ODAD2: variants seen among roughly 807,000 people sequenced by gnomAD.
ODAD2 encodes outer dynein arm-docking complex subunit 2.
In ODAD2, 89 loss-of-function variants were observed where a neutral mutation model predicts 106.8. The observed-to-expected ratio is 0.83, with a 90% CI of 0.70 to 0.99. ODAD2 has a LOEUF of 0.99. Among genes scored for constraint, ODAD2 ranks in the 50% least tolerant of loss-of-function variants. ODAD2 has a pLI of 0.00. For missense variants in ODAD2, 1,168 were observed against 1,238.5 expected (o/e 0.94, Z 0.85); for synonymous variants, 404 against 436.2 (o/e 0.93, Z 0.92).
intron 8 of ODAD2, 71 bp from the exon 9 acceptor site, chr10:27,969,089 T>C (rs2132952540): frequency 1.7e-6 from 1 of 597,712 alleles, no homozygotes; most frequent in Non-Finnish European, 3.0e-6. Flanking sequence ...AAGATGGCAA[T>C]GTAGATATAT....
intron 19 of ODAD2, among the ~76,000 whole-genome samples, chr10:27,815,941 T>A (rs1239689457): frequency 6.6e-6 from 1 of 152,208 alleles, no homozygotes; most frequent in East Asian, 1.9e-4. Context: ...AATGAAATTT[T>A]TTATTTTTTC....
chr10:27,992,482 A>C (rs1850289708), intron 2 of ODAD2, among the ~76,000 whole-genome samples: 1 of 152,164 alleles, frequency 6.6e-6, no homozygotes, highest in African/African-American at 2.4e-5. Flanking sequence ...TGAGGCCAAA[A>C]GTACAAGACC....
intron 9 of ODAD2, among the ~76,000 whole-genome samples, chr10:27,968,128 A>G (rs1344716314): frequency 1.2e-4 from 18 of 152,020 alleles, no homozygotes; most frequent in Admixed American, 3.3e-4. Context: ...CTTGAAACAA[A>G]TGAAAAAAAT....
At chr10:27,827,649 A>G (rs1837174118) in intron 19 of ODAD2, among the ~76,000 whole-genome samples, 1 of 151,978 alleles carries the variant, frequency 6.6e-6, no homozygotes, top group African/African-American at 2.4e-5. Flanking sequence ...CTTCATCTCC[A>G]GGGATATCAT....
At chr10:27,887,082 T>TA in intron 17 of ODAD2, among the ~76,000 whole-genome samples, 1 of 152,088 alleles carries the variant, frequency 6.6e-6, no homozygotes, top group East Asian at 1.9e-4. Context: ...AAATGGATTT[T>TA]AAAAAAACAA....
intron 16 of ODAD2, among the ~76,000 whole-genome samples, chr10:27,924,614 GAAAAAAAA>G (rs60226782): frequency 1.3e-3 from 17 of 12,648 alleles, no homozygotes; most frequent in African/African-American, 2.6e-3. Flanking sequence ...TGATTAGGAG[GAAAAAAAA>G]AAAAAAAAAA....
At chr10:27,954,538 C>T (rs1443767968) in intron 10 of ODAD2, among the ~76,000 whole-genome samples, 1 of 151,996 alleles carries the variant, frequency 6.6e-6, no homozygotes, top group East Asian at 1.9e-4. Flanking sequence ...TGAGTTGAAG[C>T]TTAAGGGAAC....
chr10:27,944,564 A>T, intron 11 of ODAD2, 133 bp from the exon 12 acceptor site: 1 of 850,424 alleles, frequency 1.2e-6, no homozygotes, highest in Non-Finnish European at 1.8e-6. Context: ...GGTTACACAC[A>T]TCTGGCATAT....
intron 17 of ODAD2, among the ~76,000 whole-genome samples, chr10:27,879,189 T>C (rs1841547815): frequency 6.6e-6 from 1 of 152,146 alleles, no homozygotes; most frequent in Admixed American, 6.5e-5. Context: ...TACCATGCCC[T>C]GGGTTGATTC....
At chr10:27,983,630 T>C (rs1246594770) in intron 6 of ODAD2, among the ~76,000 whole-genome samples, 1 of 152,220 alleles carries the variant, frequency 6.6e-6, no homozygotes, top group Non-Finnish European at 1.5e-5. Context: ...GCCCATTTCT[T>C]ATCAGATTGG....
At chr10:27,980,850 G>C (rs1421217283) in intron 7 of ODAD2, among the ~76,000 whole-genome samples, 1 of 152,080 alleles carries the variant, frequency 6.6e-6, no homozygotes, top group Non-Finnish European at 1.5e-5. Context: ...ATTGAAAATA[G>C]GAACTCAACA....
chr10:27,993,374 G>C (rs1850346355), intron 2 of ODAD2, among the ~76,000 whole-genome samples: 1 of 152,150 alleles, frequency 6.6e-6, no homozygotes, highest in South Asian at 2.1e-4. Flanking sequence ...TTCAGGCCGG[G>C]CGTGGTGGTT....
At chr10:27,904,114 A>G (rs1240892744) in intron 17 of ODAD2, 1 of 159,880 alleles carries the variant, frequency 6.3e-6, no homozygotes, top group East Asian at 1.8e-4. Flanking sequence ...CCTCATACAG[A>G]ATGACCCACA....
At chr10:27,944,146 G>A in intron 12 of ODAD2, 76 bp downstream of exon 12, 2 of 1,304,256 alleles carry the variant, frequency 1.5e-6, no homozygotes, top group African/African-American at 1.5e-5. Flanking sequence ...TTCCAGCGTG[G>A]CCAGAAAGGA....
intron 19 of ODAD2, among the ~76,000 whole-genome samples, chr10:27,823,593 C>T (rs1291428420): frequency 2.6e-5 from 4 of 152,138 alleles, no homozygotes; most frequent in Non-Finnish European, 5.9e-5. Context: ...AGTGCTCATG[C>T]TATGTGCCCC....
At chr10:27,847,437 G>A (rs571243256) in intron 19 of ODAD2, among the ~76,000 whole-genome samples, 4 of 152,230 alleles carry the variant, frequency 2.6e-5, no homozygotes, top group Non-Finnish European at 5.9e-5. Context: ...AATAATAAGA[G>A]CTATTTATGA....
intron 17 of ODAD2, among the ~76,000 whole-genome samples, chr10:27,906,453 C>T (rs942006970): frequency 4.6e-5 from 7 of 152,254 alleles, no homozygotes; most frequent in South Asian, 2.1e-4. Context: ...GACAGTGTGG[C>T]GGTTCCTCAA....
chr10:27,986,742 A>G (rs1849895420), intron 3 of ODAD2, among the ~76,000 whole-genome samples: 2 of 152,226 alleles, frequency 1.3e-5, no homozygotes, highest in South Asian at 4.1e-4. Flanking sequence ...TTACCACACA[A>G]TTATAGCAGG....
chr10:27,893,745 C>T (rs1842702413), intron 17 of ODAD2, among the ~76,000 whole-genome samples: 1 of 152,196 alleles, frequency 6.6e-6, no homozygotes, highest in African/African-American at 2.4e-5. Context: ...AAAGAAAGGG[C>T]TATACTATTT....
Sources: allele counts gnomAD v4.1 joint callset (sites outside exome capture counted in the v4.1 genomes callset), GRCh38; gene constraint gnomAD v4.1.1; transcripts MANE v1.5; gene names NCBI Gene and HGNC (gene_info 2026-07-23, HGNC 2026-07-21).